TPD52: variants seen among roughly 807,000 people sequenced by gnomAD.
TPD52 encodes the protein prostate and colon associated protein.
TPD52 carries 17 observed loss-of-function variants against 31.3 expected under a neutral mutation model. The ratio of observed to expected loss-of-function variants is 0.54; its 90% confidence interval spans 0.37 to 0.82. The LOEUF (loss-of-function observed/expected upper bound fraction) is 0.82, where lower values mean the gene tolerates loss of function less well. Ranked by LOEUF, TPD52 falls within the 40% of genes least tolerant of loss-of-function variation. The pLI is 0.00. For missense variants in TPD52, 212 were observed against 240.1 expected, an observed-to-expected ratio of 0.88 and a Z score of 0.77; for synonymous variants, 83 against 89.6, an observed-to-expected ratio of 0.93 and a Z score of 0.42.
intron 1 of TPD52, among the ~76,000 whole-genome samples, chr8:80,162,333 T>C (rs914040790): frequency 5.3e-5 from 8 of 152,060 alleles, no homozygotes; most frequent in Non-Finnish European, 1.0e-4. Flanking sequence ...AAAAAGTAAA[T>C]ACTTGCCAAG....
At chr8:80,124,299 G>GA (rs1173252688) in intron 1 of TPD52, among the ~76,000 whole-genome samples, 1 of 152,040 alleles carries the variant, frequency 6.6e-6, no homozygotes, top group Non-Finnish European at 1.5e-5. Context: ...CCAAATAGCT[G>GA]AGACTACCAG....
At chr8:80,104,902 A>G (rs957184488) in intron 1 of TPD52, among the ~76,000 whole-genome samples, 3 of 151,958 alleles carry the variant, frequency 2.0e-5, no homozygotes, top group Non-Finnish European at 4.4e-5. Flanking sequence ...TCCACTAAAA[A>G]TACAAAAATT....
chr8:80,078,164 C>A (rs1029897222), intron 1 of TPD52, among the ~76,000 whole-genome samples: 5 of 152,222 alleles, frequency 3.3e-5, no homozygotes, highest in African/African-American at 1.2e-4. Context: ...CTCATCCTAA[C>A]CTTCGCTTTA....
chr8:80,171,252 C>T (rs776502294), intron 1 of TPD52, 173 bp downstream of exon 1: 1 of 832,506 alleles, frequency 1.2e-6, no homozygotes, highest in Non-Finnish European at 2.0e-6. Context: ...CCGCTCCTTC[C>T]AGGGCCCCAG....
chr8:80,138,223 A>G (rs1389199071), intron 1 of TPD52, among the ~76,000 whole-genome samples: 2 of 152,148 alleles, frequency 1.3e-5, no homozygotes, highest in Non-Finnish European at 2.9e-5. Context: ...GATAACAGGC[A>G]TGAGCCACCG....
chr8:80,126,626 C>A (rs1473913469), intron 1 of TPD52, among the ~76,000 whole-genome samples: 4 of 151,728 alleles, frequency 2.6e-5, no homozygotes, highest in Admixed American at 2.0e-4. Flanking sequence ...AGACTACAAG[C>A]ATACGCCACC....
chr8:80,128,309 T>C (rs548036890), intron 1 of TPD52, among the ~76,000 whole-genome samples: 1 of 152,184 alleles, frequency 6.6e-6, no homozygotes, highest in South Asian at 2.1e-4. Context: ...GATATTTTAC[T>C]AAAAATTTCA....
chr8:80,149,149 G>T (rs955698484), intron 1 of TPD52, among the ~76,000 whole-genome samples: 14 of 152,188 alleles, frequency 9.2e-5, no homozygotes, highest in Admixed American at 9.2e-4. Flanking sequence ...ATCTTGAATT[G>T]CAGCTCCCAT....
At position 80,147,879 on chromosome 8, in the gene TPD52, T is replaced by C. The variant is rs370641565; in HGVS notation, c.19+23546A>G. ...ACCCCCCACACCCCCTGTACTTTATTTCCTACTAACTTCATAATCAGAAGT... is the reference window on the plus strand; with the variant it reads ...ACCCCCCACACCCCCTGTACTTTATCTCCTACTAACTTCATAATCAGAAGT... On this transcript the variant is annotated intron_variant, in intron 1 of 7. Transcript: ENST00000518937. Among the ~76,000 whole-genome samples the C allele has an allele frequency of 1.5e-3, 225 of 151,990 alleles. 1 individual carries two copies. Among genetic ancestry groups the C allele is most frequent in the African/African-American group, 5.2e-3 (217 of 41,462 alleles).
chr8:80,110,215 C>T (rs1424617203), intron 1 of TPD52, among the ~76,000 whole-genome samples: 2 of 152,078 alleles, frequency 1.3e-5, no homozygotes, highest in African/African-American at 4.8e-5. Flanking sequence ...GGGACTTTAA[C>T]TAAGAAGCTA....
intron 5 of TPD52, among the ~76,000 whole-genome samples, chr8:80,047,091 A>G (rs1349211967): frequency 6.6e-6 from 1 of 152,166 alleles, no homozygotes; most frequent in Non-Finnish European, 1.5e-5. Context: ...CACAGCAGCT[A>G]TTGTTCAAAG....
intron 2 of TPD52, 54 bp downstream of exon 2, chr8:80,064,424 A>G (rs1812891282): frequency 3.7e-6 from 5 of 1,335,950 alleles, no homozygotes; most frequent in Non-Finnish European, 4.3e-6. Flanking sequence ...AGAATCACAA[A>G]TGACAGTACA....
intron 1 of TPD52, among the ~76,000 whole-genome samples, chr8:80,125,412 T>A: frequency 6.6e-6 from 1 of 152,050 alleles, no homozygotes; most frequent in East Asian, 1.9e-4. Flanking sequence ...AGAGACACTG[T>A]CCCATTAAAA....
intron 1 of TPD52, among the ~76,000 whole-genome samples, chr8:80,149,828 T>C (rs1810452320): frequency 6.6e-6 from 1 of 152,128 alleles, no homozygotes; most frequent in Non-Finnish European, 1.5e-5. Context: ...AATTTCTAAG[T>C]GGCAAAGCAC....
intron 1 of TPD52, among the ~76,000 whole-genome samples, chr8:80,092,856 G>A (rs1816389258): frequency 6.6e-6 from 1 of 151,988 alleles, no homozygotes; most frequent in South Asian, 2.1e-4. Flanking sequence ...GCTGGGAAGA[G>A]GAGGAGTTGA....
intron 1 of TPD52, among the ~76,000 whole-genome samples, chr8:80,143,947 A>C (rs1297334019): frequency 9.0e-6 from 1 of 110,650 alleles, no homozygotes. Flanking sequence ...CATAAAAGTC[A>C]CATTAGTTTG....
At chr8:80,073,096 GAGAAAGAAAGAAATAC>G (rs1256016328) in intron 1 of TPD52, among the ~76,000 whole-genome samples, 26 of 151,872 alleles carry the variant, frequency 1.7e-4, no homozygotes, top group African/African-American at 6.0e-4. Flanking sequence ...GAGCGAGAGC[GAGAAAGAAAGAAATAC>G]AGAAAGAAAG....
chr8:80,092,426 G>C (rs1816346220), intron 1 of TPD52, among the ~76,000 whole-genome samples: 1 of 152,032 alleles, frequency 6.6e-6, no homozygotes, highest in African/African-American at 2.4e-5. Context: ...CCTACTACTG[G>C]GTATTTGCCC....
At chr8:80,078,770 C>G (rs1268354661) in intron 1 of TPD52, among the ~76,000 whole-genome samples, 2 of 152,248 alleles carry the variant, frequency 1.3e-5, no homozygotes, top group Non-Finnish European at 2.9e-5. Flanking sequence ...CTCACAACCC[C>G]AGGTTCCTTC....
Sources: gnomAD v4.1 joint callset for allele counts (sites outside exome capture counted in the v4.1 genomes callset) on GRCh38, gnomAD v4.1.1 for gene constraint, MANE v1.5 for transcripts, NCBI Gene and HGNC (gene_info 2026-07-23, HGNC 2026-07-21) for gene names.